Variants in PTPRN2 observed in about 807,000 individuals in gnomAD.
PTPRN2 encodes the protein protein tyrosine phosphatase receptor type N2.
In PTPRN2, 74 loss-of-function variants were observed where a neutral mutation model predicts 118.8. The observed-to-expected ratio is 0.62, with a 90% CI of 0.52 to 0.76. PTPRN2 has a LOEUF of 0.76. Among genes scored for constraint, PTPRN2 ranks in the 30% least tolerant of loss-of-function variants. PTPRN2 has a pLI of 0.00. For missense variants in PTPRN2, 1,481 were observed against 1,394.4 expected (o/e 1.06, Z -0.99); for synonymous variants, 641 against 608.0 (o/e 1.05, Z -0.80).
intron 3 of PTPRN2, among the ~76,000 whole-genome samples, chr7:158,272,554 G>A (rs553857240): frequency 1.3e-5 from 2 of 152,272 alleles, no homozygotes; most frequent in South Asian, 2.1e-4. Context: ...CTACCAGAAC[G>A]GCAGCCCACC....
chr7:158,206,374 G>A (rs1487330256), intron 3 of PTPRN2, among the ~76,000 whole-genome samples: 4 of 152,050 alleles, frequency 2.6e-5, no homozygotes, highest in Admixed American at 6.5e-5. Context: ...AGTACTGAAA[G>A]GATTCATCAT....
Position 157,632,052 on chromosome 7 carries a change from T to A in PTPRN2, c.2197-10543A>T, listed in dbSNP as rs1409970348. 6.6e-6 allele frequency among the ~76,000 whole-genome samples: 1 copy of A among 152,226 alleles called. No homozygotes were observed. The highest frequency in any genetic ancestry group is 2.1e-4 in the South Asian group (1 of 4,826). ...TGCAAAGTGGTGTGTTAAGAGGACA[T>A]GAAAACTGGCTCTATCTTGATTGAG... On this transcript the variant is annotated intron_variant, in intron 14 of 22. Transcript: ENST00000389418. The surrounding 1 kb of genome is among the most constrained non-coding windows in gnomAD (Gnocchi z 4.3).
At chr7:158,530,968 G>A (rs112473648) in intron 1 of PTPRN2, among the ~76,000 whole-genome samples, 42 of 152,302 alleles carry the variant, frequency 2.8e-4, no homozygotes, top group African/African-American at 9.9e-4. Flanking sequence ...GTGTACGGAT[G>A]TATCTGTATG....
At chr7:157,966,249 G>C (rs183567140) in intron 11 of PTPRN2, among the ~76,000 whole-genome samples, 3 of 152,026 alleles carry the variant, frequency 2.0e-5, no homozygotes, top group Admixed American at 6.5e-5. Context: ...GAAAGAAAAG[G>C]CTTCCTGTTT....
chr7:157,710,114 C>T (rs1798528794), intron 12 of PTPRN2, among the ~76,000 whole-genome samples: 1 of 152,174 alleles, frequency 6.6e-6, no homozygotes, highest in Non-Finnish European at 1.5e-5. Context: ...GACACAGTTT[C>T]AGGAAGCATC....
chr7:157,723,267 C>A (rs1799345777), intron 12 of PTPRN2, among the ~76,000 whole-genome samples: 1 of 152,194 alleles, frequency 6.6e-6, no homozygotes, highest in Non-Finnish European at 1.5e-5. Flanking sequence ...CACTCTGGCA[C>A]CAGAATGTCC....
At chr7:158,466,723 A>G (rs1819413544) in intron 2 of PTPRN2, among the ~76,000 whole-genome samples, 1 of 152,134 alleles carries the variant, frequency 6.6e-6, no homozygotes, top group African/African-American at 2.4e-5. Flanking sequence ...TTTCTTGAGG[A>G]ACCTACACAC....
intron 3 of PTPRN2, among the ~76,000 whole-genome samples, chr7:158,270,213 C>T (rs1798216803): frequency 6.6e-6 from 1 of 152,252 alleles, no homozygotes; most frequent in Non-Finnish European, 1.5e-5. Context: ...CCTGGAGAGC[C>T]CCGTGGGCAG....
intron 14 of PTPRN2, among the ~76,000 whole-genome samples, chr7:157,646,240 G>T (rs1563297228): frequency 6.6e-6 from 1 of 152,188 alleles, no homozygotes; most frequent in Non-Finnish European, 1.5e-5. Context: ...AAGTGGCTGG[G>T]TCACAGGGTG....
intron 10 of PTPRN2, among the ~76,000 whole-genome samples, chr7:158,103,778 A>C (rs75539543): frequency 1.1e-3 from 166 of 152,266 alleles, no homozygotes; most frequent in African/African-American, 3.7e-3. Flanking sequence ...GCTCTTTGTA[A>C]TGCCCATGAA....
chr7:158,224,668 G>T (rs1331730153), intron 3 of PTPRN2, among the ~76,000 whole-genome samples: 1 of 152,126 alleles, frequency 6.6e-6, no homozygotes, highest in African/African-American at 2.4e-5. Context: ...GCTAGAGCTA[G>T]GCAAAAAGTT....
At chr7:158,478,638 C>A (rs1391226524) in intron 2 of PTPRN2, among the ~76,000 whole-genome samples, 1 of 152,166 alleles carries the variant, frequency 6.6e-6, no homozygotes, top group Non-Finnish European at 1.5e-5. Flanking sequence ...GGCTGCCCTT[C>A]AGTTTTGACT....
At chr7:158,110,695 T>A (rs1816158941) in intron 10 of PTPRN2, 134 bp downstream of exon 10, 1 of 806,780 alleles carries the variant, frequency 1.2e-6, no homozygotes, top group Non-Finnish European at 2.0e-6. Flanking sequence ...GCTGCTGAAA[T>A]CACCTTTCAC....
intron 2 of PTPRN2, among the ~76,000 whole-genome samples, chr7:158,336,323 G>C (rs1392445069): frequency 1.4e-5 from 2 of 141,310 alleles, no homozygotes; most frequent in Non-Finnish European, 3.1e-5. Flanking sequence ...CTCACCATAA[G>C]AGGTGACACC....
At position 158,387,051 on chromosome 7, in the gene PTPRN2, G is replaced by A. The variant is rs368475783; in HGVS notation, c.164-70119C>T. Among the ~76,000 whole-genome samples the A allele has an allele frequency of 3.9e-3, 589 of 152,182 alleles. 3 individuals carry two copies. Among genetic ancestry groups the A allele is most frequent in the African/African-American group, 9.8e-3 (408 of 41,510 alleles). On this transcript the variant is annotated intron_variant, in intron 2 of 22. Transcript: ENST00000389418. ...CGTCTGCCCAGGCTCTTTTGATGAC[G>A]CGTCTCTGTGGCAGCATGTGTTCTA... is the stretch of plus-strand genomic sequence containing the variant.
chr7:158,431,225 T>G (rs1816147027), intron 2 of PTPRN2, among the ~76,000 whole-genome samples: 1 of 147,890 alleles, frequency 6.8e-6, no homozygotes, highest in Admixed American at 6.7e-5. Context: ...TGGCTTACAC[T>G]GGGTATACAC....
At chr7:158,148,434 C>T (rs1260339632) in intron 6 of PTPRN2, among the ~76,000 whole-genome samples, 9 of 132,312 alleles carry the variant, frequency 6.8e-5, no homozygotes, top group African/African-American at 2.6e-4. Context: ...CTTTCCCCTT[C>T]AATGACACCC....
Position 158,556,992 on chromosome 7 carries a change from ACGCAGG to A in PTPRN2, c.112+30560_112+30565del, listed in dbSNP as rs1455336081. Among the ~76,000 whole-genome samples, 801 of 92,108 alleles carry A rather than the reference ACGCAGG, an allele frequency of 8.7e-3. 12 individuals carry two copies. Among genetic ancestry groups the A allele is most frequent in the African/African-American group, 0.039 (737 of 18,954 alleles). The allele number at this position is 92,108 out of a possible 152,430, so 60.4% of individuals were successfully genotyped here. ...CTCCCGCACAGGTCAGGCGGCTCCC[ACGCAGG>A]TCGCTCCCACGCAGGTCGCTCCCAC... is the stretch of plus-strand genomic sequence containing the variant. On this transcript the variant is annotated intron_variant, in intron 1 of 22. Coordinates refer to ENST00000389418, the MANE Select transcript of PTPRN2 (RefSeq NM_002847.5).
intron 12 of PTPRN2, among the ~76,000 whole-genome samples, chr7:157,806,449 T>C (rs1045117049): frequency 6.6e-6 from 1 of 152,230 alleles, no homozygotes; most frequent in Non-Finnish European, 1.5e-5. Flanking sequence ...TGTGCATGTA[T>C]GTGTGCATAT....
Sources: gnomAD v4.1 joint callset for allele counts (sites outside exome capture counted in the v4.1 genomes callset) on GRCh38, gnomAD v4.1.1 for gene constraint, Gnocchi (gnomAD v3.1) non-coding constraint, MANE v1.5 for transcripts, NCBI Gene and HGNC (gene_info 2026-07-23, HGNC 2026-07-21) for gene names.